The following ASAP3 variants were observed in gnomAD, a reference collection of about 807,000 sequenced individuals.
ASAP3 encodes ArfGAP with SH3 domain, ankyrin repeat and PH domain 3, also known as arf-GAP with SH3 domain, ANK repeat and PH domain-containing protein 3.
Under a neutral mutation model 118.2 loss-of-function variants are expected in ASAP3, and 85 were observed. The ratio of observed to expected loss-of-function variants is 0.72; its 90% CI spans 0.60 to 0.86. The LOEUF is 0.86. Ranked by LOEUF, ASAP3 falls within the 40% of genes least tolerant of loss-of-function variation. The probability of loss-of-function intolerance (pLI) is 0.00; values close to 1 mark genes in which losing one functional copy is unlikely to be tolerated. For missense variants in ASAP3, 1,026 were observed against 1,175.0 expected (o/e 0.87, Z 1.85); for synonymous variants, 432 against 477.4 (o/e 0.90, Z 1.24).
Position 23,474,140 on chromosome 1 carries a change from G to A in ASAP3, c.129+9865C>T, listed in dbSNP as rs144308377. On this transcript the variant is annotated intron_variant, in intron 1 of 24. Transcript: ENST00000336689. ...CTGCCACCATGGCTGGCTAATTTTT[G>A]TATTTTTAGTAGAGATGGGGTTTTG... Among the ~76,000 whole-genome samples the A allele has an allele frequency of 9.1e-3, 1,388 of 151,834 alleles. 23 individuals are homozygous for A. The highest frequency in any genetic ancestry group is 0.032 in the African/African-American group (1,305 of 41,372).
intron 1 of ASAP3, among the ~76,000 whole-genome samples, chr1:23,478,736 C>T (rs1374913204): frequency 6.6e-6 from 1 of 151,238 alleles, no homozygotes; most frequent in African/African-American, 2.4e-5. Flanking sequence ...CTCCAGCCTG[C>T]ATGACAGAGT....
At position 23,476,915 on chromosome 1, in the gene ASAP3, T is replaced by G. The variant is rs564604055; in HGVS notation, c.129+7090A>C. On this transcript the variant is annotated intron_variant, in intron 1 of 24. Transcript: ENST00000336689. The stretch of plus-strand genomic sequence containing the variant: ...TATTTGTTATTCAACCAACATTTTC[T>G]GAAAACACACTATGGTTCTATGGTA... 3.9e-5 allele frequency among the ~76,000 whole-genome samples: 6 copies of G among 152,242 alleles called. No homozygotes were observed. In the South Asian group the frequency reaches 8.3e-4, roughly 21 times the overall value.
Position 23,438,795 on chromosome 1 carries a change from G to C in ASAP3, c.1054C>G (p.Gln352Glu). 6.2e-7 allele frequency: 1 copy of C among 1,614,194 alleles called. No individual in the cohort carries two copies. Among genetic ancestry groups the C allele is most frequent in the Non-Finnish European group, 8.5e-7 (1 of 1,180,024 alleles). ...TTCTCCTCAGGGTTTGGCCTCACTT[G>C]GCACGTCAGCAGGGTCAGCTTCACC... ...PPVKLTLLTC[Q>E]VRPNPEEKKC... The change falls in exon 12 of 25, where the codon CAA becomes GAA. Residue 352 changes from glutamine to glutamate, a missense_variant. Gln to Glu is a conservative substitution (Grantham distance 29, BLOSUM62 2). Coordinates refer to ENST00000336689, the MANE Select transcript of ASAP3 (RefSeq NM_017707.4). This position sits in a 1 kb window ranked among gnomAD's most constrained non-coding sequence, Gnocchi z 4.9.
rs557851601 is a variant in ASAP3 at position 23,434,148 on chromosome 1, C to A, written c.1951+106G>T. Reference sequence around the variant, plus strand: ...GCTGAATGACAAACCCCTAAGATCACAGAGGTGGTCAGAAGCAAGCCAGGA... The same window carrying A: ...GCTGAATGACAAACCCCTAAGATCAAAGAGGTGGTCAGAAGCAAGCCAGGA... On this transcript the variant is annotated intron_variant, in intron 19 of 24. Coordinates refer to ENST00000336689, the MANE Select transcript of ASAP3 (RefSeq NM_017707.4). 208 of 1,069,538 alleles carry A rather than the reference C, an allele frequency of 1.9e-4. No individual in the cohort carries two copies. In the African/African-American group the frequency reaches 3.0e-3, roughly 15 times the overall value. The allele number at this position is 1,069,538 out of a possible 1,614,324, so 66.3% of individuals were successfully genotyped here.
intron 5 of ASAP3, among the ~76,000 whole-genome samples, chr1:23,448,247 A>C (rs571038050): frequency 1.3e-5 from 2 of 152,312 alleles, no homozygotes; most frequent in South Asian, 4.1e-4. Context: ...TGCAGGCAGG[A>C]AAGTATTTAA....
intron 1 of ASAP3, among the ~76,000 whole-genome samples, chr1:23,456,735 C>T (rs1389357479): frequency 6.6e-6 from 1 of 152,158 alleles, no homozygotes; most frequent in Non-Finnish European, 1.5e-5. Context: ...TCACCAAACC[C>T]CAGGCTCAAT....
chr1:23,432,009 T>A lies in ASAP3; in HGVS notation c.2324-91A>T, dbSNP rs1172660318. 1,361 of 1,100,340 alleles carry A rather than the reference T, an allele frequency of 1.2e-3. 1 individual carries two copies. The highest frequency in any genetic ancestry group is 1.5e-3 in the South Asian group (95 of 63,076). 68.2% of individuals were successfully genotyped at this position (1,100,340 alleles called of 1,614,324 possible). A position where few individuals can be genotyped will look rare whatever the true frequency, so the allele number is the denominator to read the frequency against. The stretch of plus-strand genomic sequence containing the variant: ...AGCAGTCTCTGGCCTCTAGGATTTT[T>A]TTTTTTTTTTTTTTTGAGACAGAGT... On this transcript the variant is annotated intron_variant, in intron 22 of 24. Coordinates refer to ENST00000336689, the MANE Select transcript of ASAP3 (RefSeq NM_017707.4).
At chr1:23,431,630 GA>G in intron 23 of ASAP3, 65 bp downstream of exon 23, 1 of 1,411,160 alleles carries the variant, frequency 7.1e-7, no homozygotes, top group African/African-American at 1.5e-5. Flanking sequence ...TAGAGGTGTG[GA>G]AATCAATGGA....
chr1:23,431,035 C>G lies in ASAP3; in HGVS notation c.2637G>C (p.Pro879=). 6.3e-7 allele frequency: 1 copy of G among 1,575,400 alleles called. No homozygotes were observed. Among genetic ancestry groups the G allele is most frequent in the Non-Finnish European group, 8.6e-7 (1 of 1,162,412 alleles). The part of the protein sequence containing the change: ...ARQPLPRRNV[P]VGITEGDGSR... ...CAAACCATGGTCCCAGAGTTCCTACCGGCACGTTCCTTCTGGGCAGAGGCT... is the reference window on the plus strand; with the variant it reads ...CAAACCATGGTCCCAGAGTTCCTACGGGCACGTTCCTTCTGGGCAGAGGCT... Residue 879 remains proline (P), a splice_region_variant and synonymous_variant, in exon 24 of 25, where the codon CCG becomes CCC. Coordinates refer to ENST00000336689, the MANE Select transcript of ASAP3 (RefSeq NM_017707.4).
At chr1:23,435,484 C>T (rs1388083612) in intron 17 of ASAP3, among the ~76,000 whole-genome samples, 4 of 152,226 alleles carry the variant, frequency 2.6e-5, no homozygotes, top group Non-Finnish European at 5.9e-5. Flanking sequence ...CCTTATATTT[C>T]AGGGCTATTT....
At chr1:23,481,929 G>A (rs185347458) in intron 1 of ASAP3, among the ~76,000 whole-genome samples, 29 of 152,316 alleles carry the variant, frequency 1.9e-4, no homozygotes, top group African/African-American at 6.5e-4. Context: ...AGGCTATGAA[G>A]ACAAATCTCA....
chr1:23,436,677 G>C lies in ASAP3; in HGVS notation c.1477-23C>G. On this transcript the variant is annotated intron_variant, in intron 15 of 24. Transcript: ENST00000336689. This position sits in a 1 kb window ranked among gnomAD's most constrained non-coding sequence, Gnocchi z 4.2. Reference sequence around the variant, plus strand: ...CAGCTGGAGTCGTAGGAAAATAGACGTGGGGCGGAGTAAGACCGGGCGGTT... The same window carrying C: ...CAGCTGGAGTCGTAGGAAAATAGACCTGGGGCGGAGTAAGACCGGGCGGTT... 1 of 1,613,490 alleles carries C rather than the reference G, an allele frequency of 6.2e-7. No homozygotes were observed. Among genetic ancestry groups the C allele is most frequent in the Non-Finnish European group, 8.5e-7 (1 of 1,179,408 alleles).
intron 1 of ASAP3, among the ~76,000 whole-genome samples, chr1:23,462,028 C>CTT (rs531739489): frequency 2.8e-5 from 4 of 144,016 alleles, no homozygotes; most frequent in Non-Finnish European, 4.6e-5. Context: ...TTTTTCTTTT[C>CTT]TTTTTTTTTT....
At chr1:23,469,280 T>A (rs535757616) in intron 1 of ASAP3, among the ~76,000 whole-genome samples, 25 of 152,306 alleles carry the variant, frequency 1.6e-4, no homozygotes, top group Non-Finnish European at 2.9e-4. Context: ...CACTCCAGCC[T>A]GAGCAACAGA....
chr1:23,441,513 A>T, intron 8 of ASAP3, 40 bp from the exon 9 acceptor site: 1 of 1,611,202 alleles, frequency 6.2e-7, no homozygotes, highest in Non-Finnish European at 8.5e-7. Flanking sequence ...CAGCCAACAA[A>T]TATGTCAGGC....
intron 1 of ASAP3, among the ~76,000 whole-genome samples, 179 bp downstream of exon 1, chr1:23,483,826 C>T (rs1384647653): frequency 1.3e-5 from 2 of 152,198 alleles, no homozygotes; most frequent in Non-Finnish European, 2.9e-5. Flanking sequence ...CTCGGGCCTT[C>T]CCCCGCCTCG....
intron 3 of ASAP3, 42 bp downstream of exon 3, chr1:23,455,839 G>C: frequency 6.2e-7 from 1 of 1,611,142 alleles, no homozygotes; most frequent in Non-Finnish European, 8.5e-7. Context: ...AAGACCACTA[G>C]ATTTACCCTG....
intron 1 of ASAP3, among the ~76,000 whole-genome samples, chr1:23,479,026 G>A (rs1642222805): frequency 6.6e-6 from 1 of 152,114 alleles, no homozygotes; most frequent in African/African-American, 2.4e-5. Context: ...TGTTTACCCT[G>A]CCGGTCACTT....
chr1:23,454,461 C>T (rs1641321230), intron 3 of ASAP3, among the ~76,000 whole-genome samples: 1 of 152,276 alleles, frequency 6.6e-6, no homozygotes, highest in East Asian at 1.9e-4. Flanking sequence ...GCTGGGATTA[C>T]AGGCGTGAGC....
Sources: gnomAD v4.1 joint callset for allele counts (sites outside exome capture counted in the v4.1 genomes callset) on GRCh38, gnomAD v4.1.1 for gene constraint, Gnocchi (gnomAD v3.1) non-coding constraint, MANE v1.5 for transcripts, NCBI Gene and HGNC (gene_info 2026-07-23, HGNC 2026-07-21) for gene names.